TGFA: variants seen among roughly 807,000 people sequenced by gnomAD.
TGFA encodes the protein transforming growth factor alpha, also known as protransforming growth factor alpha.
A neutral mutation model predicts 21.7 loss-of-function variants in TGFA; 12 were observed. The observed-to-expected ratio is 0.55, with a 90% CI of 0.35 to 0.90. TGFA has a LOEUF of 0.90. Ranked by LOEUF, TGFA falls within the 40% of genes least tolerant of loss-of-function variation. The pLI, the probability that TGFA is intolerant of heterozygous loss-of-function variation, is 0.01. For synonymous variants in TGFA, 79 were observed against 88.1 expected (o/e 0.90, Z 0.58); for missense variants, 178 against 210.8 (o/e 0.84, Z 0.96).
At chr2:70,497,824 A>G (rs1329448437) in intron 2 of TGFA, among the ~76,000 whole-genome samples, 7 of 152,200 alleles carry the variant, frequency 4.6e-5, no homozygotes, top group African/African-American at 1.7e-4. Flanking sequence ...TCTTTCCATC[A>G]TTTTTTAAAG....
intron 5 of TGFA, 125 bp downstream of exon 5, chr2:70,453,093 T>C: frequency 1.2e-6 from 1 of 855,758 alleles, no homozygotes; most frequent in Non-Finnish European, 1.8e-6. Context: ...CTTGGTAGAA[T>C]GAAACAGTCT....
intron 1 of TGFA, among the ~76,000 whole-genome samples, chr2:70,550,465 A>G (rs1285681148): frequency 9.9e-5 from 15 of 151,768 alleles, no homozygotes; most frequent in African/African-American, 3.6e-4. Context: ...AAATTAAATA[A>G]TTAAATAATT....
chr2:70,548,893 C>T (rs1294175203), intron 1 of TGFA, among the ~76,000 whole-genome samples: 3 of 150,170 alleles, frequency 2.0e-5, no homozygotes, highest in African/African-American at 7.4e-5. Flanking sequence ...AGATTTCTGG[C>T]TTTCTTGAGC....
intron 1 of TGFA, among the ~76,000 whole-genome samples, chr2:70,545,177 A>G (rs1056747520): frequency 6.6e-6 from 1 of 152,094 alleles, no homozygotes; most frequent in African/African-American, 2.4e-5. Context: ...AAAAATTGTA[A>G]AAATGTTGGA....
chr2:70,507,615 C>A (rs1553500359), intron 2 of TGFA, among the ~76,000 whole-genome samples: 5 of 152,192 alleles, frequency 3.3e-5, no homozygotes, highest in Non-Finnish European at 7.4e-5. Flanking sequence ...TAAAACAGAT[C>A]CCTAAGTACG....
chr2:70,511,462 G>A (rs1672097810), intron 2 of TGFA, among the ~76,000 whole-genome samples: 1 of 152,184 alleles, frequency 6.6e-6, no homozygotes, highest in Admixed American at 6.5e-5. Context: ...TATGAAAACA[G>A]TGTTCACCTG....
chr2:70,539,788 T>C (rs1189279274), intron 1 of TGFA, among the ~76,000 whole-genome samples: 1 of 152,182 alleles, frequency 6.6e-6, no homozygotes, highest in Non-Finnish European at 1.5e-5. Flanking sequence ...TCCTATTCAT[T>C]AACACATCTA....
At chr2:70,479,234 G>A (rs1365452651) in intron 2 of TGFA, among the ~76,000 whole-genome samples, 1 of 152,124 alleles carries the variant, frequency 6.6e-6, no homozygotes, top group Non-Finnish European at 1.5e-5. Context: ...TTTCCAGGAA[G>A]GGCATGTGAA....
rs10183171 is a variant in TGFA, at chr2:70,514,890, C to G, written c.63G>C (p.Gln21His). 3 of 1,614,064 alleles carry G rather than the reference C, an allele frequency of 1.9e-6. No homozygotes were observed. The highest frequency in any genetic ancestry group is 2.2e-5 in the South Asian group (2 of 91,026). The change falls in exon 2 of 6, where the codon CAG becomes CAC. Residue 21 changes from glutamine to histidine, a missense_variant. Physicochemically the swap from Gln to His is conservative, Grantham distance 24. Coordinates refer to ENST00000295400, the MANE Select transcript of TGFA (RefSeq NM_003236.4). Reference protein sequence around the residue: ...FALGIVLAACQALENSTSPLS... With the variant: ...FALGIVLAACHALENSTSPLS... Reference sequence around the variant, plus strand: ...GCGGGGACGTGCTGTTCTCCAAGGCCTGGCACGCAGCCAACACAATACCTG... The same window carrying G: ...GCGGGGACGTGCTGTTCTCCAAGGCGTGGCACGCAGCCAACACAATACCTG...
chr2:70,462,178 AG>A (rs1307575496), intron 3 of TGFA, among the ~76,000 whole-genome samples: 3 of 152,228 alleles, frequency 2.0e-5, no homozygotes, highest in Admixed American at 2.0e-4. Flanking sequence ...TCACAGGAGC[AG>A]GGACAGAGTG....
At chr2:70,514,383 T>C (rs1353230430) in intron 2 of TGFA, among the ~76,000 whole-genome samples, 1 of 151,874 alleles carries the variant, frequency 6.6e-6, no homozygotes, top group Non-Finnish European at 1.5e-5. Flanking sequence ...TCCACTATTT[T>C]GATTTAGAAT....
intron 1 of TGFA, among the ~76,000 whole-genome samples, chr2:70,546,221 T>TA (rs1434780931): frequency 7.7e-5 from 10 of 130,178 alleles, no homozygotes; most frequent in Non-Finnish European, 1.7e-4. Context: ...ATGCTTCTTA[T>TA]AAAAAATTAA....
chr2:70,526,436 C>T (rs1409640651), intron 1 of TGFA, among the ~76,000 whole-genome samples: 5 of 152,180 alleles, frequency 3.3e-5, no homozygotes, highest in Non-Finnish European at 7.3e-5. Context: ...GTATCTCCCT[C>T]AGGTCAATAC....
chr2:70,499,559 C>A (rs1020274518), intron 2 of TGFA, among the ~76,000 whole-genome samples: 1 of 152,210 alleles, frequency 6.6e-6, no homozygotes, highest in African/African-American at 2.4e-5. Context: ...ATGCCAACAG[C>A]CTATGGTCCA....
intron 1 of TGFA, among the ~76,000 whole-genome samples, chr2:70,544,714 T>G (rs530017510): frequency 1.8e-4 from 28 of 152,190 alleles, no homozygotes; most frequent in Admixed American, 9.2e-4. Flanking sequence ...CAAACTGATA[T>G]TCCATAAACA....
chr2:70,519,124 G>C (rs1672374329), intron 1 of TGFA, among the ~76,000 whole-genome samples: 1 of 152,160 alleles, frequency 6.6e-6, no homozygotes, highest in African/African-American at 2.4e-5. Flanking sequence ...TTGTGCTAGA[G>C]GGCAGGGCAG....
chr2:70,545,591 C>A (rs868908744), intron 1 of TGFA, among the ~76,000 whole-genome samples: 5 of 152,038 alleles, frequency 3.3e-5, no homozygotes, highest in African/African-American at 9.7e-5. Flanking sequence ...TCACAACATA[C>A]CCTAGAAAAA....
intron 2 of TGFA, among the ~76,000 whole-genome samples, chr2:70,479,589 C>T (rs563699077): frequency 6.6e-6 from 1 of 152,112 alleles, no homozygotes; most frequent in East Asian, 1.9e-4. Context: ...CCTTAGTTTT[C>T]TTTTTTCCTT....
chr2:70,482,948 C>T (rs567757383), intron 2 of TGFA, among the ~76,000 whole-genome samples: 10 of 152,304 alleles, frequency 6.6e-5, no homozygotes, highest in Non-Finnish European at 8.8e-5. Flanking sequence ...TAGTTAAAAA[C>T]GTCCTACCCT....
Sources: gnomAD v4.1 joint callset for allele counts (sites outside exome capture counted in the v4.1 genomes callset) on GRCh38, gnomAD v4.1.1 for gene constraint, MANE v1.5 for transcripts, NCBI Gene and HGNC (gene_info 2026-07-23, HGNC 2026-07-21) for gene names.